Variants in PCDHA13 observed in about 807,000 individuals in gnomAD.
PCDHA13 encodes protocadherin alpha 13.
A neutral mutation model predicts 64.8 loss-of-function variants in PCDHA13; 54 were observed. The ratio of observed to expected loss-of-function variants is 0.83; its 90% CI spans 0.67 to 1.04. The LOEUF is 1.04. Ranked by LOEUF, PCDHA13 falls within the 50% of genes least tolerant of loss-of-function variation. The pLI, the probability that PCDHA13 is intolerant of heterozygous loss-of-function variation, is 0.00. For missense variants in PCDHA13, 1,248 were observed against 1,254.3 expected, an observed-to-expected ratio of 0.99 and a Z score of 0.08; for synonymous variants, 587 against 564.4, an observed-to-expected ratio of 1.04 and a Z score of -0.57.
At chr5:140,901,502 T>G (rs782679945) in intron 1 of PCDHA13, among the ~76,000 whole-genome samples, 1 of 152,182 alleles carries the variant, frequency 6.6e-6, no homozygotes, top group Non-Finnish European at 1.5e-5. Context: ...CGAAAATGAG[T>G]TCATTATAGA....
chr5:140,975,759 A>G (rs1420459945), intron 1 of PCDHA13, among the ~76,000 whole-genome samples: 1 of 152,248 alleles, frequency 6.6e-6, no homozygotes, highest in Non-Finnish European at 1.5e-5. Context: ...TCTATGTCAT[A>G]AATCACAGAT....
chr5:140,956,885 T>A (rs1156888418), intron 1 of PCDHA13, among the ~76,000 whole-genome samples: 1 of 152,194 alleles, frequency 6.6e-6, no homozygotes, highest in Non-Finnish European at 1.5e-5. Flanking sequence ...TAGATATCAA[T>A]GAATGAATAT....
At position 140,882,971 on chromosome 5, in the gene PCDHA13, G is replaced by C; in HGVS notation, c.703G>C (p.Val235Leu). Residue 235 changes from valine to leucine, a missense_variant, in exon 1 of 4, where the codon GTG (valine) becomes CTG (leucine). Physicochemically the swap from Val to Leu is conservative, Grantham distance 32. Coordinates refer to ENST00000289272, the MANE Select transcript of PCDHA13 (RefSeq NM_018904.3). ...TVQLLITILD[V>L]NDNAPEFYQS... ...TCAGCTGCTCATCACGATTCTGGAC[G>C]TGAATGACAACGCCCCGGAATTTTA... The C allele has an allele frequency of 6.2e-7, 1 of 1,614,206 alleles. No homozygotes were observed. The highest frequency in any genetic ancestry group is 8.5e-7 in the Non-Finnish European group (1 of 1,180,044).
chr5:140,884,556 G>T lies in PCDHA13; in HGVS notation c.2288G>T (p.Gly763Val). 6.2e-7 allele frequency: 1 copy of T among 1,614,154 alleles called. No homozygotes were observed. The highest frequency in any genetic ancestry group is 8.5e-7 in the Non-Finnish European group (1 of 1,180,032). ...QRRPRVCSGEGPHKTDLMAFS... is the reference protein window; with the variant it reads ...QRRPRVCSGEVPHKTDLMAFS... ...CGGCCGAGGGTGTGCTCTGGGGAGG[G>T]CCCGCATAAGACGGACCTCATGGCC... is the stretch of plus-strand genomic sequence containing the variant. The change falls in exon 1 of 4, where the codon GGC becomes GTC. Residue 763 changes from glycine to valine, a missense_variant. Gly to Val is a moderately radical substitution (Grantham distance 109, BLOSUM62 -3). Coordinates refer to ENST00000289272, the MANE Select transcript of PCDHA13 (RefSeq NM_018904.3).
chr5:140,915,681 G>C (rs1261107431), intron 1 of PCDHA13, among the ~76,000 whole-genome samples: 1 of 151,116 alleles, frequency 6.6e-6, no homozygotes, highest in Non-Finnish European at 1.5e-5. Context: ...TCTTGAACTA[G>C]GGGTATGGTG....
chr5:140,951,889 G>A (rs2094649080), intron 1 of PCDHA13, among the ~76,000 whole-genome samples: 1 of 152,142 alleles, frequency 6.6e-6, no homozygotes, highest in Non-Finnish European at 1.5e-5. Flanking sequence ...ACTCTCTTCT[G>A]CCTATGAGCC....
chr5:140,968,923 T>G lies in PCDHA13; in HGVS notation c.2395-10026T>G, dbSNP rs140504777. The G allele has an allele frequency of 2.9e-3, 4,668 of 1,614,212 alleles. 4 individuals are homozygous for G. Among genetic ancestry groups the G allele is most frequent in the Non-Finnish European group, 3.3e-3 (3,916 of 1,180,046 alleles). ...CATTAAGCACAGTGTCTTTTATATT[T>G]CTTTTGACAATCATCATTTTGAGCA... On this transcript the variant is annotated intron_variant, in intron 1 of 3. Coordinates refer to ENST00000289272, the MANE Select transcript of PCDHA13 (RefSeq NM_018904.3).
chr5:140,992,698 A>G (rs764226558), intron 3 of PCDHA13, among the ~76,000 whole-genome samples: 4 of 152,094 alleles, frequency 2.6e-5, no homozygotes, highest in Non-Finnish European at 4.4e-5. Flanking sequence ...GGGGTGGGTA[A>G]TGTTCCTGCC....
At chr5:141,005,332 A>G (rs1479899678) in intron 3 of PCDHA13, among the ~76,000 whole-genome samples, 2 of 152,188 alleles carry the variant, frequency 1.3e-5, no homozygotes, top group Non-Finnish European at 2.9e-5. Context: ...ATAATAGGCC[A>G]AGGGGGTGCT....
At chr5:140,962,454 T>A (rs1554226040) in intron 1 of PCDHA13, among the ~76,000 whole-genome samples, 1 of 152,194 alleles carries the variant, frequency 6.6e-6, no homozygotes, top group Non-Finnish European at 1.5e-5. Flanking sequence ...TTGAATCTCT[T>A]ATGGCTTGAA....
intron 3 of PCDHA13, among the ~76,000 whole-genome samples, chr5:140,986,653 A>T (rs61089397): frequency 0.012 from 1,845 of 152,236 alleles, 43 homozygotes; most frequent in African/African-American, 0.043. Context: ...AGAGTGGGAG[A>T]TGCTCACAGT....
At chr5:140,999,240 G>A (rs193018375) in intron 3 of PCDHA13, among the ~76,000 whole-genome samples, 1 of 152,340 alleles carries the variant, frequency 6.6e-6, no homozygotes, top group Non-Finnish European at 1.5e-5. Context: ...GGTGGTTAAA[G>A]TGGGAGTTGG....
At chr5:140,921,333 A>G (rs1245281166) in intron 1 of PCDHA13, among the ~76,000 whole-genome samples, 1 of 152,182 alleles carries the variant, frequency 6.6e-6, no homozygotes, top group Admixed American at 6.5e-5. Flanking sequence ...GTCTGGTCCA[A>G]TCACATAATA....
At chr5:140,938,424 T>C (rs960926721) in intron 1 of PCDHA13, among the ~76,000 whole-genome samples, 1 of 152,204 alleles carries the variant, frequency 6.6e-6, no homozygotes, top group African/African-American at 2.4e-5. Flanking sequence ...TTTGCAAAAA[T>C]CCTTTATCAG....
intron 3 of PCDHA13, among the ~76,000 whole-genome samples, chr5:140,989,918 G>A (rs1554251173): frequency 6.6e-6 from 1 of 151,960 alleles, no homozygotes; most frequent in East Asian, 1.9e-4. Flanking sequence ...AAGAGGGAGA[G>A]CAGAGATAGA....
intron 2 of PCDHA13, among the ~76,000 whole-genome samples, chr5:140,982,104 G>A (rs1280175443): frequency 6.6e-6 from 1 of 152,256 alleles, no homozygotes; most frequent in Non-Finnish European, 1.5e-5. Flanking sequence ...GAACCTGCAA[G>A]AGAGGCTTGG....
At chr5:140,943,826 GA>G (rs1186583699) in intron 1 of PCDHA13, among the ~76,000 whole-genome samples, 5 of 152,198 alleles carry the variant, frequency 3.3e-5, no homozygotes, top group African/African-American at 1.2e-4. Flanking sequence ...AAAATGAGTT[GA>G]TTGAAGTTGT....
intron 1 of PCDHA13, among the ~76,000 whole-genome samples, chr5:140,893,580 G>C (rs555518122): frequency 1.5e-4 from 23 of 152,268 alleles, no homozygotes; most frequent in East Asian, 1.2e-3. Flanking sequence ...GTTTTTGCTT[G>C]TTTGGGAAAT....
rs568353165 is a variant in PCDHA13 at position 140,884,443 on chromosome 5, A to G, written c.2175A>G (p.Ala725=). The change falls in exon 1 of 4, where the codon GCA becomes GCG. Residue 725 remains alanine (A), a synonymous_variant. Coordinates refer to ENST00000289272, the MANE Select transcript of PCDHA13 (RefSeq NM_018904.3). ...TGTATACTGCGCTGCGGTGCTCGGC[A>G]CCGCCCACCGAGGGCGCGTGCGCGC... The part of the protein sequence containing the change: ...LLLYTALRCS[A]PPTEGACAPG... 2 of 1,613,454 alleles carry G rather than the reference A, an allele frequency of 1.2e-6. No homozygotes were observed. The highest frequency in any genetic ancestry group is 2.2e-5 in the South Asian group (2 of 91,030).
Sources: gnomAD v4.1 joint callset for allele counts (sites outside exome capture counted in the v4.1 genomes callset) on GRCh38, gnomAD v4.1.1 for gene constraint, MANE v1.5 for transcripts, NCBI Gene and HGNC (gene_info 2026-07-23, HGNC 2026-07-21) for gene names.